IQCM: variants seen among roughly 807,000 people sequenced by gnomAD.
IQCM encodes IQ domain-containing protein M.
A neutral mutation model predicts 57.6 loss-of-function variants in IQCM; 45 were observed. That is an observed-to-expected ratio of 0.78 (90% CI 0.62 to 1.00). The LOEUF is 1.00. Ranked by LOEUF, IQCM falls within the 50% of genes least tolerant of loss-of-function variation. IQCM has a pLI of 0.00. For synonymous variants in IQCM, 148 were observed against 158.9 expected, an observed-to-expected ratio of 0.93 and a Z score of 0.51; for missense variants, 468 against 511.6, an observed-to-expected ratio of 0.91 and a Z score of 0.82.
chr4:149,662,038 T>C (rs1374986298), intron 7 of IQCM, among the ~76,000 whole-genome samples: 1 of 152,018 alleles, frequency 6.6e-6, no homozygotes, highest in East Asian at 1.9e-4. Context: ...ATCATGTTGT[T>C]TATTAAAAAT....
chr4:149,688,579 C>T (rs1197043665), intron 5 of IQCM, among the ~76,000 whole-genome samples: 6 of 151,934 alleles, frequency 3.9e-5, no homozygotes, highest in African/African-American at 1.5e-4. Context: ...CACCATCATT[C>T]TTCACAGAAT....
At chr4:149,434,008 T>C (rs1360087946) in intron 12 of IQCM, among the ~76,000 whole-genome samples, 1 of 152,110 alleles carries the variant, frequency 6.6e-6, no homozygotes, top group Non-Finnish European at 1.5e-5. Flanking sequence ...AAATATAAAA[T>C]GCATATTGCT....
At chr4:149,503,254 C>T (rs1198925482) in intron 12 of IQCM, among the ~76,000 whole-genome samples, 2 of 151,964 alleles carry the variant, frequency 1.3e-5, no homozygotes, top group Non-Finnish European at 2.9e-5. Flanking sequence ...ATATGAATAA[C>T]AATAATAAAT....
chr4:149,556,784 G>A (rs947167091), intron 10 of IQCM, among the ~76,000 whole-genome samples: 8 of 152,196 alleles, frequency 5.3e-5, no homozygotes, highest in South Asian at 4.1e-4. Flanking sequence ...AGAAACTAGC[G>A]AAGACCTTAT....
chr4:149,777,404 G>A (rs1771194114), intron 2 of IQCM, among the ~76,000 whole-genome samples: 1 of 152,110 alleles, frequency 6.6e-6, no homozygotes, highest in South Asian at 2.1e-4. Context: ...TAACAGCCTG[G>A]TACAGCCCAT....
chr4:149,415,032 T>C (rs1219186727), intron 13 of IQCM, among the ~76,000 whole-genome samples: 2 of 152,202 alleles, frequency 1.3e-5, no homozygotes, highest in African/African-American at 2.4e-5. Context: ...TCATTTATGT[T>C]CCATAGTATT....
At chr4:149,534,216 A>G (rs1747050600) in intron 12 of IQCM, among the ~76,000 whole-genome samples, 1 of 152,140 alleles carries the variant, frequency 6.6e-6, no homozygotes, top group East Asian at 1.9e-4. Context: ...GCCACTAAAT[A>G]TTGGTTTAAT....
chr4:149,744,639 A>G (rs1423595644), intron 2 of IQCM, among the ~76,000 whole-genome samples: 2 of 152,120 alleles, frequency 1.3e-5, no homozygotes, highest in African/African-American at 4.8e-5. Context: ...CTGGGGGTGT[A>G]GAACGGCCAG....
At position 149,360,771 on chromosome 4, in the gene IQCM, C is replaced by A. The variant is rs575627548; in HGVS notation, c.1391-8705G>T. On this transcript the variant is annotated intron_variant, in intron 13 of 13. Transcript: ENST00000636793. Reference sequence around the variant, plus strand: ...AATTAAACCTCTTTTTCTTCCTAGTCTTGGATATGTCTTTATTAGCAGGGT... The same window carrying A: ...AATTAAACCTCTTTTTCTTCCTAGTATTGGATATGTCTTTATTAGCAGGGT... 6.6e-5 allele frequency among the ~76,000 whole-genome samples: 10 copies of A among 152,272 alleles called. No individual in the cohort carries two copies. In the South Asian group the frequency reaches 2.1e-3, roughly 32 times the overall value.
At position 149,505,128 on chromosome 4, in the gene IQCM, G is replaced by GGCA. The variant is rs1168094261; in HGVS notation, c.1228+43324_1228+43326dup. ...GACAGCAACCTATAGTGTTACACAT[G>GGCA]GCAGCTCAGATCCCTATTATTATGC... On this transcript the variant is annotated intron_variant, in intron 12 of 13. Coordinates refer to ENST00000636793, the MANE Select transcript of IQCM (RefSeq NM_001363507.2). Among the ~76,000 whole-genome samples the GGCA allele has an allele frequency of 1.2e-4, 18 of 152,050 alleles. 1 individual carries two copies. Among genetic ancestry groups the GGCA allele is most frequent in the Admixed American group, 7.9e-4 (12 of 15,258 alleles).
At chr4:149,643,683 C>T (rs1411077757) in intron 7 of IQCM, among the ~76,000 whole-genome samples, 2 of 152,242 alleles carry the variant, frequency 1.3e-5, no homozygotes, top group East Asian at 3.9e-4. Flanking sequence ...CCAGTCAAAA[C>T]CCAGAAGTTG....
chr4:149,735,500 G>T, intron 3 of IQCM, 42 bp from the exon 4 acceptor site: 1 of 880,194 alleles, frequency 1.1e-6, no homozygotes, highest in Non-Finnish European at 1.5e-6. Flanking sequence ...CAGTTAATGT[G>T]AAAGTAAATT....
intron 12 of IQCM, among the ~76,000 whole-genome samples, chr4:149,485,705 C>G (rs1741403015): frequency 6.6e-6 from 1 of 151,978 alleles, no homozygotes; most frequent in Admixed American, 6.6e-5. Context: ...CTGGATTGGT[C>G]TCTGGTGTCT....
rs1730065625 is a variant in IQCM, at chr4:149,368,831, T to TATATATATACATATATATAC, written c.1391-16766_1391-16765insGTATATATATGTATATATAT. On this transcript the variant is annotated intron_variant, in intron 13 of 13. Transcript: ENST00000636793. ...ATGTATATATATACATATATATACA[T>TATATATATACATATATATAC]GTATATATATACATATATATACATG... is the stretch of plus-strand genomic sequence containing the variant. Among the ~76,000 whole-genome samples the TATATATATACATATATATAC allele has an allele frequency of 1.4e-4, 6 of 43,806 alleles. 1 individual carries two copies. The highest frequency in any genetic ancestry group is 3.8e-4 in the African/African-American group (4 of 10,522). The allele number at this position is 43,806 out of a possible 152,430, so 28.7% of individuals were successfully genotyped here.
chr4:149,414,558 G>T (rs1282408493), intron 13 of IQCM, among the ~76,000 whole-genome samples: 1 of 152,002 alleles, frequency 6.6e-6, no homozygotes, highest in Admixed American at 6.5e-5. Context: ...CTCAGAGTTT[G>T]TCCATTATAG....
intron 5 of IQCM, among the ~76,000 whole-genome samples, chr4:149,712,381 A>G (rs1324239509): frequency 6.6e-6 from 1 of 152,012 alleles, no homozygotes; most frequent in South Asian, 2.1e-4. Flanking sequence ...ACACACATAC[A>G]CACACAGTCT....
At chr4:149,634,738 T>A (rs186203050) in intron 7 of IQCM, among the ~76,000 whole-genome samples, 32 of 152,346 alleles carry the variant, frequency 2.1e-4, no homozygotes, top group Non-Finnish European at 4.1e-4. Flanking sequence ...AACACGGACA[T>A]TAGAACAATT....
intron 2 of IQCM, among the ~76,000 whole-genome samples, chr4:149,767,561 C>T (rs1468030123): frequency 1.3e-5 from 2 of 152,088 alleles, no homozygotes; most frequent in African/African-American, 4.8e-5. Context: ...TAGCAAATCC[C>T]ATCCATGCAT....
Position 149,353,244 on chromosome 4 carries a change from G to A in IQCM, c.1391-1178C>T, listed in dbSNP as rs140151672. Among the ~76,000 whole-genome samples the A allele has an allele frequency of 2.2e-3, 329 of 152,144 alleles. 3 individuals carry two copies. Among genetic ancestry groups the A allele is most frequent in the African/African-American group, 7.0e-3 (289 of 41,528 alleles). ...CAAAACCACAATGAGATATCACCTC[G>A]GACCCCTTAGGATGGCTATTATCAA... On this transcript the variant is annotated intron_variant, in intron 13 of 13. Coordinates refer to ENST00000636793, the MANE Select transcript of IQCM (RefSeq NM_001363507.2).
Sources: gnomAD v4.1 joint callset for allele counts (sites outside exome capture counted in the v4.1 genomes callset) on GRCh38, gnomAD v4.1.1 for gene constraint, MANE v1.5 for transcripts, NCBI Gene and HGNC (gene_info 2026-07-23, HGNC 2026-07-21) for gene names.